The following RASA3 variants were observed in gnomAD, a reference collection of about 807,000 sequenced individuals.
The protein encoded by RASA3 is RAS p21 protein activator 3.
A neutral mutation model predicts 110.0 loss-of-function variants in RASA3; 73 were observed. That is an observed-to-expected ratio of 0.66 (90% CI 0.55 to 0.81). RASA3 has a LOEUF of 0.81. Among genes scored for constraint, RASA3 ranks in the 30% least tolerant of loss-of-function variants. RASA3 has a pLI of 0.00. For synonymous variants in RASA3, 500 were observed against 451.4 expected (o/e 1.11, Z -1.37); for missense variants, 976 against 1,113.2 (o/e 0.88, Z 1.75).
chr13:114,132,307 G>A (rs970229819), intron 1 of RASA3, 128 bp downstream of exon 1: 20 of 1,015,578 alleles, frequency 2.0e-5, no homozygotes, highest in South Asian at 9.9e-5. Context: ...CGTTCTCCGG[G>A]GAGCGCGCCG....
chr13:114,000,960 T>G, intron 18 of RASA3, 28 bp from the exon 19 acceptor site: 5 of 1,518,148 alleles, frequency 3.3e-6, no homozygotes, highest in Non-Finnish European at 3.7e-6. Context: ...AGGGCCGGGG[T>G]CCGGGCCTCA....
intron 4 of RASA3, among the ~76,000 whole-genome samples, chr13:114,037,475 T>C (rs1281733114): frequency 1.3e-5 from 2 of 151,930 alleles, no homozygotes; most frequent in African/African-American, 2.4e-5. Context: ...CAGAGTGCCA[T>C]GGGGCTGCCG....
chr13:114,101,828 G>A (rs776234869), intron 1 of RASA3, among the ~76,000 whole-genome samples: 5 of 152,176 alleles, frequency 3.3e-5, no homozygotes, highest in South Asian at 2.1e-4. Flanking sequence ...TGCCAATGCC[G>A]TCTGGAAAAC....
chr13:114,013,113 A>T, intron 15 of RASA3, 29 bp downstream of exon 15: 2 of 1,593,058 alleles, frequency 1.3e-6, no homozygotes, highest in Non-Finnish European at 1.7e-6. Flanking sequence ...ACAGCTCAGA[A>T]AGCCTCGGTC....
At chr13:114,027,720 A>T in intron 6 of RASA3, 127 bp downstream of exon 6, 1 of 1,053,666 alleles carries the variant, frequency 9.5e-7, no homozygotes, top group Non-Finnish European at 1.5e-6. Context: ...AGGAAGTAAA[A>T]ATTCACATTC....
At chr13:114,093,470 C>T (rs2079909414) in intron 1 of RASA3, among the ~76,000 whole-genome samples, 1 of 152,198 alleles carries the variant, frequency 6.6e-6, no homozygotes, top group African/African-American at 2.4e-5. Context: ...TGCTTCTTTT[C>T]TCTTGCTGCT....
intron 1 of RASA3, among the ~76,000 whole-genome samples, chr13:114,075,062 T>C (rs2079645429): frequency 6.6e-6 from 1 of 152,170 alleles, no homozygotes; most frequent in African/African-American, 2.4e-5. Context: ...CAGTGGCGTC[T>C]CCACGACGCA....
At chr13:114,049,404 A>G (rs1594386826) in intron 3 of RASA3, among the ~76,000 whole-genome samples, 1 of 152,216 alleles carries the variant, frequency 6.6e-6, no homozygotes, top group East Asian at 1.9e-4. Flanking sequence ...TAAAGCCACC[A>G]AGAACTACTA....
At chr13:113,996,799 A>G (rs1373893931) in intron 20 of RASA3, 60 bp from the exon 21 acceptor site, 2 of 1,450,838 alleles carry the variant, frequency 1.4e-6, no homozygotes, top group Non-Finnish European at 9.6e-7. Context: ...AGCACGTGCA[A>G]GAGTCCACCA....
chr13:114,011,435 G>A lies in RASA3; in HGVS notation c.1513-187C>T, dbSNP rs2053635761. On this transcript the variant is annotated intron_variant, in intron 15 of 23. Transcript: ENST00000334062. The surrounding 1 kb of genome is among the most constrained non-coding windows in gnomAD (Gnocchi z 4.8). ...TGGGCGTCCCACAGTCTCAGGAGCT[G>A]CTGAGACCATCCCGCAGGCAACATC... is the stretch of plus-strand genomic sequence containing the variant. Among the ~76,000 whole-genome samples the A allele has an allele frequency of 6.6e-6, 1 of 152,164 alleles. No individual in the cohort carries two copies. The highest frequency in any genetic ancestry group is 2.4e-5 in the African/African-American group (1 of 41,436).
At chr13:113,981,930 G>A (rs904573680) in intron 22 of RASA3, 72 bp from the exon 23 acceptor site, 19 of 1,437,470 alleles carry the variant, frequency 1.3e-5, no homozygotes, top group African/African-American at 9.9e-5. Flanking sequence ...CAGCTGCGTC[G>A]CTGCAGGCCC....
intron 18 of RASA3, among the ~76,000 whole-genome samples, chr13:114,002,531 C>T (rs1186818047): frequency 6.6e-6 from 1 of 152,186 alleles, no homozygotes; most frequent in East Asian, 1.9e-4. Flanking sequence ...ATGCCGGCCT[C>T]CTTGAGGGCA....
At chr13:114,040,578 A>C in intron 4 of RASA3, among the ~76,000 whole-genome samples, 1 of 131,206 alleles carries the variant, frequency 7.6e-6, no homozygotes, top group Non-Finnish European at 1.6e-5. Flanking sequence ...CGCACAACCC[A>C]AAATCCATGG....
chr13:114,078,037 C>T lies in RASA3; in HGVS notation c.56-4200G>A, dbSNP rs2079722460. Reference sequence around the variant, plus strand: ...CTGAGAAACATCCTGGTTGCTATGACGACAGCAACACCAGGGAGCCTGCTG... The same window carrying T: ...CTGAGAAACATCCTGGTTGCTATGATGACAGCAACACCAGGGAGCCTGCTG... On this transcript the variant is annotated intron_variant, in intron 1 of 23. Coordinates refer to ENST00000334062, the MANE Select transcript of RASA3 (RefSeq NM_007368.4). The T allele has an allele frequency of 9.3e-6, 9 of 970,600 alleles. No homozygotes were observed. The South Asian group carries it at 2.4e-4, about 26-fold the overall frequency. The allele number at this position is 970,600 out of a possible 1,614,324, so 60.1% of individuals were successfully genotyped here.
At chr13:114,125,952 G>A (rs867347279) in intron 1 of RASA3, among the ~76,000 whole-genome samples, 2,898 of 62,038 alleles carry the variant, frequency 0.047, 155 homozygotes, top group Middle Eastern at 0.083. Flanking sequence ...GCCCAACCTC[G>A]CACCCTCCAG....
At chr13:114,126,754 G>A (rs576969674) in intron 1 of RASA3, among the ~76,000 whole-genome samples, 3 of 152,252 alleles carry the variant, frequency 2.0e-5, no homozygotes, top group Non-Finnish European at 4.4e-5. Context: ...CGGGGGAAGT[G>A]CCTGGTGCAT....
intron 22 of RASA3, among the ~76,000 whole-genome samples, chr13:113,988,886 C>A (rs540518598): frequency 6.6e-6 from 1 of 151,812 alleles, no homozygotes; most frequent in Admixed American, 6.6e-5. Flanking sequence ...CTGCCCATCA[C>A]TCACCCATCT....
chr13:113,993,778 A>G (rs928965406), intron 21 of RASA3, among the ~76,000 whole-genome samples: 8 of 142,050 alleles, frequency 5.6e-5, no homozygotes, highest in African/African-American at 2.1e-4. Flanking sequence ...ACTGCACTTC[A>G]GCCTGGGCAA....
At chr13:113,980,322 G>T (rs2052897942) in intron 23 of RASA3, among the ~76,000 whole-genome samples, 1 of 138,164 alleles carries the variant, frequency 7.2e-6, no homozygotes, top group African/African-American at 2.9e-5. Flanking sequence ...TCCTCCGTCT[G>T]TGCCTTCTCC....
Sources: allele counts gnomAD v4.1 joint callset (sites outside exome capture counted in the v4.1 genomes callset), GRCh38; gene constraint gnomAD v4.1.1; non-coding constraint Gnocchi (gnomAD v3.1); transcripts MANE v1.5; gene names NCBI Gene and HGNC (gene_info 2026-07-23, HGNC 2026-07-21).